Variants in UBAP1L observed in about 807,000 individuals in gnomAD.
UBAP1L encodes ubiquitin-associated protein 1-like.
UBAP1L carries 32 observed loss-of-function variants against 32.1 expected under a neutral mutation model. That is an observed-to-expected ratio of 1.00 (90% CI 0.75 to 1.34). UBAP1L has a LOEUF of 1.34. UBAP1L is among the 40% of genes most tolerant of loss of function. UBAP1L has a pLI of 0.00. For missense variants in UBAP1L, 516 were observed against 540.5 expected, an observed-to-expected ratio of 0.95 and a Z score of 0.45; for synonymous variants, 243 against 250.2, an observed-to-expected ratio of 0.97 and a Z score of 0.27.
intron 1 of UBAP1L, among the ~76,000 whole-genome samples, chr15:65,111,567 G>T (rs776097992): frequency 6.6e-6 from 1 of 152,064 alleles, no homozygotes; most frequent in Admixed American, 6.6e-5. Flanking sequence ...TCACGGCAAC[G>T]TCTGCCTCCC....
chr15:65,099,699 T>G lies in UBAP1L; in HGVS notation c.715A>C (p.Thr239Pro). ...GCCCCCCCAAGAGGTGGCAGACAGG[T>G]GTACGGGCTGAGGGACTGAAATACA... ...KPTVASLSPYTCLPPLGGAPQ... is the reference protein window; with the variant it reads ...KPTVASLSPYPCLPPLGGAPQ... Residue 239 changes from threonine to proline, a missense_variant, in exon 4 of 6, where the codon ACC becomes CCC. Coordinates refer to ENST00000559089, the MANE Select transcript of UBAP1L (RefSeq NM_001163692.2). 1 of 1,549,842 alleles carries G rather than the reference T, an allele frequency of 6.5e-7. No homozygotes were observed. The highest frequency in any genetic ancestry group is 2.4e-5 in the East Asian group (1 of 40,888).
At chr15:65,108,630 A>G (rs1421843176) in intron 1 of UBAP1L, among the ~76,000 whole-genome samples, 1 of 152,038 alleles carries the variant, frequency 6.6e-6, no homozygotes, top group Admixed American at 6.6e-5. Flanking sequence ...CTACAGCCCC[A>G]GCTACTCGGG....
intron 2 of UBAP1L, among the ~76,000 whole-genome samples, chr15:65,104,089 T>C (rs985725111): frequency 1.3e-5 from 2 of 151,996 alleles, no homozygotes; most frequent in Non-Finnish European, 2.9e-5. Context: ...CCACCTCTAC[T>C]AAAACTATAA....
intron 1 of UBAP1L, among the ~76,000 whole-genome samples, chr15:65,106,843 G>A (rs113988347): frequency 3.9e-5 from 6 of 152,142 alleles, no homozygotes; most frequent in African/African-American, 1.2e-4. Context: ...GTTTCACCAC[G>A]TTGGCCAGGC....
chr15:65,094,905 C>T lies in UBAP1L; in HGVS notation c.910-329G>A. 1 of 377,340 alleles carries T rather than the reference C, an allele frequency of 2.7e-6. No homozygotes were observed. Among genetic ancestry groups the T allele is most frequent in the Non-Finnish European group, 5.0e-6 (1 of 198,950 alleles). The allele number at this position is 377,340 out of a possible 1,614,324, so 23.4% of individuals were successfully genotyped here. A position where few individuals can be genotyped will look rare whatever the true frequency, so the allele number is the denominator to read the frequency against. On this transcript the variant is annotated intron_variant, in intron 4 of 5. Coordinates refer to ENST00000559089, the MANE Select transcript of UBAP1L (RefSeq NM_001163692.2). The surrounding 1 kb of genome is among the most constrained non-coding windows in gnomAD (Gnocchi z 4.2). ...CTTCAAACACAGACATCCCACCTAC[C>T]ACCCAACGCAATTCAACATTCATGC...
At chr15:65,103,318 G>A (rs1386508341) in intron 2 of UBAP1L, among the ~76,000 whole-genome samples, 6 of 152,086 alleles carry the variant, frequency 3.9e-5, no homozygotes, top group Non-Finnish European at 8.8e-5. Flanking sequence ...TTTTCCTGTC[G>A]GTGGACCTGA....
At chr15:65,112,505 G>T (rs1250505484) in intron 1 of UBAP1L, among the ~76,000 whole-genome samples, 1 of 152,102 alleles carries the variant, frequency 6.6e-6, no homozygotes, top group Non-Finnish European at 1.5e-5. Context: ...GCTTGGATCT[G>T]GGCATGGGGA....
Position 65,094,582 on chromosome 15 carries a change from C to T in UBAP1L, c.910-6G>A. ...GCACTGAGGTAGCTGAGAAACTGGG[C>T]CGGAAGCGGGCAGAGAGGGAGGGAG... On this transcript the variant is annotated splice_polypyrimidine_tract_variant and splice_region_variant and intron_variant, in intron 4 of 5. Coordinates refer to ENST00000559089, the MANE Select transcript of UBAP1L (RefSeq NM_001163692.2). The surrounding 1 kb of genome is among the most constrained non-coding windows in gnomAD (Gnocchi z 4.2). 14 of 1,550,378 alleles carry T rather than the reference C, an allele frequency of 9.0e-6. No individual in the cohort carries two copies. Among genetic ancestry groups the T allele is most frequent in the Non-Finnish European group, 1.1e-5 (13 of 1,146,166 alleles).
chr15:65,097,518 C>T (rs1003608646), intron 4 of UBAP1L: 1 of 152,262 alleles, frequency 6.6e-6, no homozygotes, highest in African/African-American at 2.4e-5. Context: ...TGGCCTCAAC[C>T]CCAGTGCTGC....
At position 65,102,307 on chromosome 15, in the gene UBAP1L, C is replaced by T. The variant is rs1382098793; in HGVS notation, c.498G>A (p.Lys166=). Residue 166 remains lysine (K), a synonymous_variant, in exon 3 of 6, where the codon AAG becomes AAA. Transcript: ENST00000559089. The surrounding 1 kb of genome is among the most constrained non-coding windows in gnomAD (Gnocchi z 5.0). Reference sequence around the variant, plus strand: ...GGAGGGCGCGGGGCCGGGAGACCAGCTTCCCCTCGGAGAGCCGCCGCCGCG... The same window carrying T: ...GGAGGGCGCGGGGCCGGGAGACCAGTTTCCCCTCGGAGAGCCGCCGCCGCG... The part of the protein sequence containing the change: ...AGARRRLSEG[K]LVSRPRALLH... 1.6e-5 allele frequency: 23 copies of T among 1,427,764 alleles called. No homozygotes were observed. The highest frequency in any genetic ancestry group is 2.1e-5 in the Non-Finnish European group (23 of 1,098,208). 88.4% of individuals were successfully genotyped at this position (1,427,764 alleles called of 1,614,324 possible).
intron 1 of UBAP1L, among the ~76,000 whole-genome samples, chr15:65,107,739 CAAAAAAAAAAAA>C (rs56359277): frequency 1.1e-5 from 1 of 94,770 alleles, no homozygotes; most frequent in African/African-American, 3.9e-5. Flanking sequence ...AACGCTGTCT[CAAAAAAAAAAAA>C]AAAAAAAAAG....
At chr15:65,095,808 C>T (rs2087166822) in intron 4 of UBAP1L, 1 of 152,244 alleles carries the variant, frequency 6.6e-6, no homozygotes, top group Non-Finnish European at 1.5e-5. Flanking sequence ...AAGGAGGCTT[C>T]AGCAATAACA....
rs1298054374 is a variant in UBAP1L at position 65,102,968 on chromosome 15, T to C, written c.121-284A>G. 6.6e-6 allele frequency among the ~76,000 whole-genome samples: 1 copy of C among 152,252 alleles called. No individual in the cohort carries two copies. The highest frequency in any genetic ancestry group is 6.5e-5 in the Admixed American group (1 of 15,286). On this transcript the variant is annotated intron_variant, in intron 2 of 5. Coordinates refer to ENST00000559089, the MANE Select transcript of UBAP1L (RefSeq NM_001163692.2). The surrounding 1 kb of genome is among the most constrained non-coding windows in gnomAD (Gnocchi z 5.0). The stretch of plus-strand genomic sequence containing the variant: ...ATGAAACCCAACATCTAAATCCCTT[T>C]GCCATTCAGTATGTAGTTGAGCAAA...
At chr15:65,114,757 A>G (rs2087392104) in intron 1 of UBAP1L, among the ~76,000 whole-genome samples, 1 of 152,226 alleles carries the variant, frequency 6.6e-6, no homozygotes, top group South Asian at 2.1e-4. Flanking sequence ...AGCTGAGGAA[A>G]GTGTCCACTG....
At chr15:65,107,284 G>A (rs149898980) in intron 1 of UBAP1L, among the ~76,000 whole-genome samples, 543 of 150,466 alleles carry the variant, frequency 3.6e-3, no homozygotes, top group African/African-American at 0.013. Context: ...CACAGTGGCC[G>A]AGATCATGCT....
chr15:65,110,273 C>A (rs191717680), intron 1 of UBAP1L, among the ~76,000 whole-genome samples: 1 of 151,212 alleles, frequency 6.6e-6, no homozygotes, highest in African/African-American at 2.4e-5. Context: ...GCAGGAGAAT[C>A]GCTTGAACCA....
At chr15:65,114,012 G>C (rs949940739) in intron 1 of UBAP1L, among the ~76,000 whole-genome samples, 1 of 151,764 alleles carries the variant, frequency 6.6e-6, no homozygotes, top group African/African-American at 2.4e-5. Context: ...TCAGCCTCCC[G>C]AGTAGCTGGG....
chr15:65,099,674 G>T lies in UBAP1L; in HGVS notation c.740C>A (p.Ala247Glu). The T allele has an allele frequency of 6.4e-7, 1 of 1,551,116 alleles. No homozygotes were observed. Among genetic ancestry groups the T allele is most frequent in the East Asian group, 2.4e-5 (1 of 40,910 alleles). ...PYTCLPPLGGAPQPLNPHKSH... is the reference protein window; with the variant it reads ...PYTCLPPLGGEPQPLNPHKSH... Reference sequence around the variant, plus strand: ...CTTGTGGGGGTTGAGAGGTTGGGGTGCCCCCCCAAGAGGTGGCAGACAGGT... The same window carrying T: ...CTTGTGGGGGTTGAGAGGTTGGGGTTCCCCCCCAAGAGGTGGCAGACAGGT... Residue 247 changes from alanine to glutamate, a missense_variant, in exon 4 of 6, where the codon GCA (alanine) becomes GAA (glutamate). Coordinates refer to ENST00000559089, the MANE Select transcript of UBAP1L (RefSeq NM_001163692.2).
In UBAP1L at chr15:65,102,266, C is replaced by T. The variant is rs1317756895; in HGVS notation, c.539G>A (p.Gly180Asp). Residue 180 changes from glycine (G) to aspartate (D), a missense_variant, in exon 3 of 6, where the codon GGC becomes GAC. Gly to Asp is a moderately conservative substitution (Grantham distance 94). Transcript: ENST00000559089. This position sits in a 1 kb window ranked among gnomAD's most constrained non-coding sequence, Gnocchi z 5.0. ...RPRALLHGLRGHRALSLCPSP... is the reference protein window; with the variant it reads ...RPRALLHGLRDHRALSLCPSP... ...CGGGCACAGGCTCAGCGCGCGGTGGCCGCGGAGGCCATGCAGGAGGGCGCG... is the reference window on the plus strand; with the variant it reads ...CGGGCACAGGCTCAGCGCGCGGTGGTCGCGGAGGCCATGCAGGAGGGCGCG... 4 of 1,326,554 alleles carry T rather than the reference C, an allele frequency of 3.0e-6. No individual in the cohort carries two copies. The allele number at this position is 1,326,554 out of a possible 1,614,324, so 82.2% of individuals were successfully genotyped here.
Sources: gnomAD v4.1 joint callset for allele counts (sites outside exome capture counted in the v4.1 genomes callset) on GRCh38, gnomAD v4.1.1 for gene constraint, Gnocchi (gnomAD v3.1) non-coding constraint, MANE v1.5 for transcripts, NCBI Gene and HGNC (gene_info 2026-07-23, HGNC 2026-07-21) for gene names.